The following ADGRB3 variants were observed in gnomAD, a reference collection of about 807,000 sequenced individuals.
The protein encoded by ADGRB3 is adhesion G protein-coupled receptor B3.
Under a neutral mutation model 193.4 loss-of-function variants are expected in ADGRB3, and 37 were observed. That is an observed-to-expected ratio of 0.19 (90% CI 0.15 to 0.25). ADGRB3 has a LOEUF of 0.25. Among genes scored for constraint, ADGRB3 ranks in the 10% least tolerant of loss-of-function variants. The pLI is 1.00. For missense variants in ADGRB3, 1,637 were observed against 1,852.9 expected (o/e 0.88, Z 2.14); for synonymous variants, 690 against 644.2 (o/e 1.07, Z -1.08).
chr6:69,078,554 C>T (rs952305168), intron 17 of ADGRB3, among the ~76,000 whole-genome samples: 14 of 152,134 alleles, frequency 9.2e-5, no homozygotes, highest in Admixed American at 5.9e-4. Flanking sequence ...TTTCATTCCT[C>T]GTATCTGCTG....
At chr6:69,251,893 G>A (rs1766631368) in intron 20 of ADGRB3, among the ~76,000 whole-genome samples, 1 of 152,050 alleles carries the variant, frequency 6.6e-6, no homozygotes, top group Non-Finnish European at 1.5e-5. Flanking sequence ...TCTCATAACT[G>A]GAATTTTGTA....
chr6:69,211,270 G>T (rs933069475), intron 17 of ADGRB3, among the ~76,000 whole-genome samples: 1 of 152,100 alleles, frequency 6.6e-6, no homozygotes, highest in Non-Finnish European at 1.5e-5. Context: ...TCATCTTGGG[G>T]CCTGAATTGG....
rs368565128 is a variant in ADGRB3 at position 69,065,839 on chromosome 6, G to A, written c.2436+2803G>A. ...CAGTTGGCCCTCAGTATCTGCATCC[G>A]TGGATTCAACCAACCACAGATCAAA... On this transcript the variant is annotated intron_variant, in intron 16 of 31. Transcript: ENST00000370598. 1.4e-3 allele frequency among the ~76,000 whole-genome samples: 205 copies of A among 150,518 alleles called. 1 individual carries two copies. Among genetic ancestry groups the A allele is most frequent in the African/African-American group, 4.8e-3 (198 of 41,074 alleles).
intron 3 of ADGRB3, among the ~76,000 whole-genome samples, chr6:68,819,698 T>C (rs1582228130): frequency 6.6e-6 from 1 of 152,078 alleles, no homozygotes; most frequent in Non-Finnish European, 1.5e-5. Flanking sequence ...ATTCTCACCC[T>C]GTTGATAGAT....
At chr6:68,675,125 A>G (rs928310322) in intron 3 of ADGRB3, among the ~76,000 whole-genome samples, 7 of 152,184 alleles carry the variant, frequency 4.6e-5, no homozygotes, top group African/African-American at 1.7e-4. Context: ...TGGTGTTGTC[A>G]GGAAAAAAGG....
chr6:68,733,714 T>A (rs1007652071), intron 3 of ADGRB3, among the ~76,000 whole-genome samples: 2 of 151,342 alleles, frequency 1.3e-5, no homozygotes, highest in Non-Finnish European at 2.9e-5. Flanking sequence ...ATAGAAAGAG[T>A]GAATAAGACC....
chr6:69,369,773 T>C (rs1483852660), intron 29 of ADGRB3, among the ~76,000 whole-genome samples: 1 of 152,104 alleles, frequency 6.6e-6, no homozygotes, highest in African/African-American at 2.4e-5. Flanking sequence ...ATTGTATCAT[T>C]GCTTATAAAT....
chr6:68,988,068 T>C (rs2150272259), intron 10 of ADGRB3, among the ~76,000 whole-genome samples: 1 of 152,240 alleles, frequency 6.6e-6, no homozygotes, highest in African/African-American at 2.4e-5. Context: ...TAAAATAAAA[T>C]CCTCCTGTAG....
At position 69,354,367 on chromosome 6, in the gene ADGRB3, G is replaced by C. The variant is rs777933969; in HGVS notation, c.3555+39G>C. 25 of 1,501,036 alleles carry C rather than the reference G, an allele frequency of 1.7e-5. No individual in the cohort carries two copies. In the Middle Eastern group the frequency reaches 5.1e-4, roughly 31 times the overall value. The allele number at this position is 1,501,036 out of a possible 1,614,324, so 93.0% of individuals were successfully genotyped here. On this transcript the variant is annotated intron_variant, in intron 27 of 31. Coordinates refer to ENST00000370598, the MANE Select transcript of ADGRB3 (RefSeq NM_001704.3). Reference sequence around the variant, plus strand: ...TTTCCCCGATTGTTAATTAACTCATGATTTCTCAAGGGAATAAAAGAAATC... The same window carrying C: ...TTTCCCCGATTGTTAATTAACTCATCATTTCTCAAGGGAATAAAAGAAATC...
intron 17 of ADGRB3, among the ~76,000 whole-genome samples, chr6:69,118,311 A>G (rs577477301): frequency 2.0e-5 from 3 of 152,144 alleles, no homozygotes; most frequent in Non-Finnish European, 2.9e-5. Context: ...CAGTGTCAAA[A>G]TGCCAAAAAA....
chr6:69,371,170 A>G (rs981998704), intron 29 of ADGRB3, among the ~76,000 whole-genome samples: 3 of 152,118 alleles, frequency 2.0e-5, no homozygotes, highest in Non-Finnish European at 4.4e-5. Context: ...GGAATTTTTC[A>G]CTTAAAACAT....
intron 3 of ADGRB3, among the ~76,000 whole-genome samples, chr6:68,916,873 C>T (rs916633129): frequency 3.9e-5 from 6 of 152,082 alleles, no homozygotes; most frequent in Non-Finnish European, 7.3e-5. Flanking sequence ...CTTTTTCATA[C>T]GAGACAGGGT....
intron 5 of ADGRB3, among the ~76,000 whole-genome samples, chr6:68,938,554 C>T (rs560966287): frequency 6.6e-6 from 1 of 150,774 alleles, no homozygotes; most frequent in South Asian, 2.1e-4. Context: ...CATTTAACAT[C>T]CACTCTCTCT....
In ADGRB3 at chr6:68,807,373, G is replaced by A. The variant is rs141050140; in HGVS notation, c.758-123186G>A. 8.3e-4 allele frequency among the ~76,000 whole-genome samples: 125 copies of A among 151,400 alleles called. 2 individuals carry two copies. In the East Asian group the frequency reaches 0.023, roughly 28 times the overall value. Reference sequence around the variant, plus strand: ...CCTACCTCAGCCTCCCGAGTAGCTGGGACTACAGGCGCCCCCCACCTTGCC... The same window carrying A: ...CCTACCTCAGCCTCCCGAGTAGCTGAGACTACAGGCGCCCCCCACCTTGCC... On this transcript the variant is annotated intron_variant, in intron 3 of 31. Coordinates refer to ENST00000370598, the MANE Select transcript of ADGRB3 (RefSeq NM_001704.3).
intron 17 of ADGRB3, among the ~76,000 whole-genome samples, chr6:69,169,484 TATA>T (rs1333705840): frequency 1.2e-4 from 18 of 150,490 alleles, no homozygotes; most frequent in African/African-American, 3.9e-4. Flanking sequence ...TATTTAATGA[TATA>T]AAAGTAATTA....
chr6:68,939,536 TTTTA>T (rs1425038690), intron 5 of ADGRB3, among the ~76,000 whole-genome samples: 5 of 152,180 alleles, frequency 3.3e-5, no homozygotes, highest in African/African-American at 4.8e-5. Context: ...ATGAGAAAAG[TTTTA>T]TTTATTTTTA....
intron 17 of ADGRB3, among the ~76,000 whole-genome samples, chr6:69,183,353 C>G (rs575583393): frequency 5.8e-4 from 88 of 152,140 alleles, no homozygotes; most frequent in Non-Finnish European, 9.3e-4. Context: ...TGGTACTTTC[C>G]CTTTTGTTAT....
chr6:68,753,804 C>T (rs925563724), intron 3 of ADGRB3, among the ~76,000 whole-genome samples: 14 of 152,064 alleles, frequency 9.2e-5, no homozygotes, highest in African/African-American at 2.7e-4. Context: ...TGGGTGTATT[C>T]GCAGGACACC....
chr6:69,257,603 A>G (rs576509909), intron 20 of ADGRB3, among the ~76,000 whole-genome samples: 3 of 152,228 alleles, frequency 2.0e-5, no homozygotes, highest in Non-Finnish European at 2.9e-5. Context: ...CACTGCTAGA[A>G]AGTGATGATA....
Sources: allele counts gnomAD v4.1 joint callset (sites outside exome capture counted in the v4.1 genomes callset), GRCh38; gene constraint gnomAD v4.1.1; transcripts MANE v1.5; gene names NCBI Gene and HGNC (gene_info 2026-07-23, HGNC 2026-07-21).